The following PBX4 variants were observed in gnomAD, a reference collection of about 807,000 sequenced individuals.
PBX4 encodes PBX homeobox 4, also known as pre-B-cell leukemia transcription factor 4.
Under a neutral mutation model 35.1 loss-of-function variants are expected in PBX4, and 26 were observed. The ratio of observed to expected loss-of-function variants is 0.74; its 90% confidence interval spans 0.54 to 1.03. The LOEUF (loss-of-function observed/expected upper bound fraction) is 1.03, where lower values mean the gene tolerates loss of function less well. PBX4 is among the 50% of genes least tolerant of loss of function. The pLI is 0.00. For synonymous variants in PBX4, 199 were observed against 204.2 expected (o/e 0.97, Z 0.22); for missense variants, 448 against 504.3 (o/e 0.89, Z 1.07).
chr19:19,575,328 A>G (rs975362942), intron 2 of PBX4, among the ~76,000 whole-genome samples: 1 of 151,368 alleles, frequency 6.6e-6, no homozygotes, highest in African/African-American at 2.4e-5. Context: ...AATGATGCTC[A>G]TGGGGTGCTG....
At chr19:19,566,310 C>G (rs1164047770) in intron 5 of PBX4, among the ~76,000 whole-genome samples, 1 of 152,188 alleles carries the variant, frequency 6.6e-6, no homozygotes, top group Non-Finnish European at 1.5e-5. Context: ...TTGGCACCCA[C>G]TGGGTGCCAG....
intron 2 of PBX4, among the ~76,000 whole-genome samples, chr19:19,591,457 T>C (rs2061527341): frequency 6.6e-6 from 1 of 152,240 alleles, no homozygotes; most frequent in South Asian, 2.1e-4. Context: ...TTATGCATTA[T>C]TTACATTTAC....
intron 1 of PBX4, among the ~76,000 whole-genome samples, chr19:19,601,367 G>A (rs1410784533): frequency 6.6e-6 from 1 of 152,194 alleles, no homozygotes; most frequent in African/African-American, 2.4e-5. Context: ...AGAGCTACGA[G>A]AAGTTAGACT....
intron 1 of PBX4, among the ~76,000 whole-genome samples, chr19:19,615,058 A>G (rs1281051573): frequency 6.7e-6 from 1 of 148,970 alleles, no homozygotes; most frequent in Admixed American, 6.8e-5. Flanking sequence ...CCAGCTACTC[A>G]GGAGGCTGAG....
At chr19:19,594,004 G>A (rs1348248731) in intron 2 of PBX4, among the ~76,000 whole-genome samples, 2 of 150,946 alleles carry the variant, frequency 1.3e-5, no homozygotes, top group East Asian at 1.9e-4. Flanking sequence ...TGGTGTGTGC[G>A]GAAGCTGAGG....
intron 2 of PBX4, among the ~76,000 whole-genome samples, chr19:19,585,536 A>G (rs1436532907): frequency 1.3e-5 from 2 of 152,164 alleles, no homozygotes; most frequent in Non-Finnish European, 2.9e-5. Context: ...ACCAGTCACA[A>G]CTGAAGTGTG....
At chr19:19,564,054 C>T (rs1021283297) in intron 6 of PBX4, among the ~76,000 whole-genome samples, 5 of 151,862 alleles carry the variant, frequency 3.3e-5, no homozygotes, top group South Asian at 2.1e-4. Context: ...AGGTTTGTTA[C>T]GTATGTATAC....
chr19:19,565,855 T>C (rs1013786465), intron 5 of PBX4, among the ~76,000 whole-genome samples: 2 of 151,796 alleles, frequency 1.3e-5, no homozygotes, highest in African/African-American at 4.8e-5. Context: ...GAGGCAGAGG[T>C]TGCAGTGAGC....
chr19:19,601,051 G>GTT (rs1387403024), intron 1 of PBX4, among the ~76,000 whole-genome samples: 10 of 152,152 alleles, frequency 6.6e-5, no homozygotes, highest in Non-Finnish European at 1.2e-4. Context: ...ACATGTGGCA[G>GTT]TTAAGAGGGA....
rs60787202 is a variant in PBX4 at position 19,573,370 on chromosome 19, C to CAT, written c.194-2539_194-2538dup. Among the ~76,000 whole-genome samples, 921 of 138,096 alleles carry CAT rather than the reference C, an allele frequency of 6.7e-3. 8 individuals are homozygous for CAT. The highest frequency in any genetic ancestry group is 0.023 in the African/African-American group (858 of 36,618). The allele number at this position is 138,096 out of a possible 152,430, so 90.6% of individuals were successfully genotyped here. ...ACACACACACACACACACACACACA[C>CAT]ATATAGGATAGTGTCCCACCTTCTC... On this transcript the variant is annotated intron_variant, in intron 2 of 7. Coordinates refer to ENST00000251203, the MANE Select transcript of PBX4 (RefSeq NM_025245.3).
intron 2 of PBX4, among the ~76,000 whole-genome samples, chr19:19,571,796 G>A (rs1047862967): frequency 6.6e-6 from 1 of 152,204 alleles, no homozygotes; most frequent in East Asian, 1.9e-4. Context: ...ACTTTAGAAG[G>A]CTGAGGCGGG....
At position 19,570,241 on chromosome 19, in the gene PBX4, C is replaced by T. The variant is rs1292820941; in HGVS notation, c.500G>A (p.Arg167Lys). The T allele has an allele frequency of 1.9e-6, 3 of 1,613,866 alleles. No individual in the cohort carries two copies. Among genetic ancestry groups the T allele is most frequent in the Non-Finnish European group, 2.5e-6 (3 of 1,179,846 alleles). The change falls in exon 4 of 8, where the codon AGG (arginine) becomes AAG (lysine). Residue 167 changes from arginine to lysine, a missense_variant. Physicochemically the swap from Arg to Lys is conservative, Grantham distance 26. Coordinates refer to ENST00000251203, the MANE Select transcript of PBX4 (RefSeq NM_025245.3). ...CTCAATCTCCTTAGGGGAGACAGGC[C>T]TCATCCTGCTCTGCTCCTGGAGGAG... ...TNLLQEQSRM[R>K]PVSPKEIERM...
chr19:19,565,646 G>A (rs773574214), intron 5 of PBX4, among the ~76,000 whole-genome samples: 1 of 152,168 alleles, frequency 6.6e-6, no homozygotes, highest in Non-Finnish European at 1.5e-5. Flanking sequence ...GGCCGGGCGT[G>A]GTGGCTCACG....
chr19:19,573,563 G>A (rs931498483), intron 2 of PBX4, among the ~76,000 whole-genome samples: 4 of 152,050 alleles, frequency 2.6e-5, no homozygotes, highest in African/African-American at 9.7e-5. Flanking sequence ...CCCAGGCAGC[G>A]AATGTCCATG....
intron 2 of PBX4, among the ~76,000 whole-genome samples, chr19:19,587,456 C>T (rs1599360089): frequency 6.6e-6 from 1 of 151,336 alleles, no homozygotes; most frequent in African/African-American, 2.4e-5. Context: ...GGCGTGGTGG[C>T]GGACTCCTGT....
chr19:19,566,399 G>A (rs560051018), intron 5 of PBX4, among the ~76,000 whole-genome samples: 3 of 152,328 alleles, frequency 2.0e-5, no homozygotes, highest in South Asian at 2.1e-4. Flanking sequence ...CAGGGCCAGC[G>A]CCTTCCTACA....
At position 19,570,263 on chromosome 19, in the gene PBX4, G is replaced by A. The variant is rs375549686; in HGVS notation, c.478C>T (p.Leu160Phe). The A allele has an allele frequency of 3.7e-6, 6 of 1,612,934 alleles. No individual in the cohort carries two copies. Among genetic ancestry groups the A allele is most frequent in the Non-Finnish European group, 4.2e-6 (5 of 1,179,290 alleles). ...REFTTHVTNL[L>F]QEQSRMRPVS... ...GGCCTCATCCTGCTCTGCTCCTGGA[G>A]GAGGTTGGTGACGTGCGTGGTGAAC... Residue 160 changes from leucine (L) to phenylalanine (F), a missense_variant, in exon 4 of 8, where the codon CTC becomes TTC. Leu to Phe is a conservative substitution (Grantham distance 22). Coordinates refer to ENST00000251203, the MANE Select transcript of PBX4 (RefSeq NM_025245.3).
chr19:19,576,914 C>T (rs986442542), intron 2 of PBX4, among the ~76,000 whole-genome samples: 1 of 151,982 alleles, frequency 6.6e-6, no homozygotes, highest in African/African-American at 2.4e-5. Context: ...ACACCTGGCC[C>T]GAGGATTTTA....
intron 2 of PBX4, among the ~76,000 whole-genome samples, chr19:19,591,711 C>A (rs1192403979): frequency 1.3e-5 from 2 of 152,242 alleles, no homozygotes; most frequent in East Asian, 3.8e-4. Flanking sequence ...AAGCTTTTCA[C>A]ACAAGCTGTC....
Sources: gnomAD v4.1 joint callset for allele counts (sites outside exome capture counted in the v4.1 genomes callset) on GRCh38, gnomAD v4.1.1 for gene constraint, MANE v1.5 for transcripts, NCBI Gene and HGNC (gene_info 2026-07-23, HGNC 2026-07-21) for gene names.